The following SNX29 variants were observed in gnomAD, a reference collection of about 807,000 sequenced individuals.
SNX29 encodes sorting nexin 29, also known as sorting nexin-29.
A neutral mutation model predicts 102.1 loss-of-function variants in SNX29; 78 were observed. The observed-to-expected ratio is 0.76, with a 90% CI of 0.64 to 0.92. The LOEUF is 0.92. Ranked by LOEUF, SNX29 falls within the 40% of genes least tolerant of loss-of-function variation. The pLI, the probability that SNX29 is intolerant of heterozygous loss-of-function variation, is 0.00. For synonymous variants in SNX29, 580 were observed against 414.5 expected, an observed-to-expected ratio of 1.40 and a Z score of -4.85; for missense variants, 1,280 against 1,061.7, an observed-to-expected ratio of 1.21 and a Z score of -2.86.
At chr16:12,245,177 C>G (rs192060868) in intron 14 of SNX29, among the ~76,000 whole-genome samples, 42 of 152,170 alleles carry the variant, frequency 2.8e-4, no homozygotes, top group African/African-American at 9.6e-4. Flanking sequence ...AGCATATGCT[C>G]TGAAATTGGT....
At chr16:12,068,314 C>CA (rs767382504) in intron 9 of SNX29, among the ~76,000 whole-genome samples, 29 of 149,412 alleles carry the variant, frequency 1.9e-4, no homozygotes, top group South Asian at 6.4e-4. Context: ...CCCATCTCTA[C>CA]AAAAAAAAAT....
intron 4 of SNX29, among the ~76,000 whole-genome samples, chr16:12,036,814 C>G (rs1177868088): frequency 6.6e-6 from 1 of 152,014 alleles, no homozygotes; most frequent in African/African-American, 2.4e-5. Context: ...GAAGAACATG[C>G]CCTGTCTCAC....
chr16:12,472,536 A>AAC (rs1224123517), intron 18 of SNX29, among the ~76,000 whole-genome samples: 1 of 149,782 alleles, frequency 6.7e-6, no homozygotes, highest in African/African-American at 2.4e-5. Context: ...AACCAAAAAA[A>AAC]AAAAAAACAA....
At chr16:12,412,124 G>A (rs2084420704) in intron 18 of SNX29, among the ~76,000 whole-genome samples, 1 of 152,156 alleles carries the variant, frequency 6.6e-6, no homozygotes, top group Admixed American at 6.5e-5. Flanking sequence ...CTTTGCGGAG[G>A]GGTGGGAGAG....
intron 14 of SNX29, among the ~76,000 whole-genome samples, chr16:12,267,670 G>C (rs1382773467): frequency 6.6e-6 from 1 of 152,216 alleles, no homozygotes; most frequent in Admixed American, 6.5e-5. Flanking sequence ...CCTCTGGAAG[G>C]TGCTGTAGCT....
intron 19 of SNX29, among the ~76,000 whole-genome samples, chr16:12,523,222 G>C (rs1404023927): frequency 6.6e-6 from 1 of 152,198 alleles, no homozygotes; most frequent in African/African-American, 2.4e-5. Flanking sequence ...TGCCTGCACA[G>C]GGAGAGCAGA....
intron 20 of SNX29, among the ~76,000 whole-genome samples, chr16:12,550,196 G>C (rs1235024661): frequency 1.3e-5 from 2 of 152,184 alleles, no homozygotes; most frequent in African/African-American, 2.4e-5. Flanking sequence ...ATTACTAAGA[G>C]GATAAAGCAT....
intron 14 of SNX29, among the ~76,000 whole-genome samples, chr16:12,224,816 G>T (rs540401693): frequency 6.6e-6 from 1 of 152,134 alleles, no homozygotes; most frequent in Non-Finnish European, 1.5e-5. Flanking sequence ...TGTGTTTACA[G>T]TAATGAGCCC....
intron 19 of SNX29, among the ~76,000 whole-genome samples, chr16:12,521,135 G>A (rs1039551625): frequency 1.3e-5 from 2 of 152,136 alleles, no homozygotes; most frequent in African/African-American, 2.4e-5. Flanking sequence ...AGCTGAGATC[G>A]TGTCACTGCA....
chr16:12,256,159 G>A (rs1307123097), intron 14 of SNX29, among the ~76,000 whole-genome samples: 3 of 152,290 alleles, frequency 2.0e-5, no homozygotes, highest in South Asian at 2.1e-4. Flanking sequence ...CCTGTTGGCC[G>A]TTTGGATGTC....
In SNX29 at chr16:12,571,979, T is replaced by A. The variant is rs1359779712; in HGVS notation, c.*3350T>A. ...CTTACAGTCTATGGTGGTAGCCATC[T>A]TCACATCCAGTCACCAGTTGCATCT... On this transcript the variant is annotated 3_prime_UTR_variant, in exon 21 of 21. Coordinates refer to ENST00000566228, the MANE Select transcript of SNX29 (RefSeq NM_032167.5). 9.4e-7 allele frequency: 1 copy of A among 1,061,860 alleles called. No homozygotes were observed. Among genetic ancestry groups the A allele is most frequent in the Non-Finnish European group, 1.1e-6 (1 of 877,120 alleles). 65.8% of individuals were successfully genotyped at this position (1,061,860 alleles called of 1,614,324 possible). A position where few individuals can be genotyped will look rare whatever the true frequency, so the allele number is the denominator to read the frequency against.
chr16:12,563,410 T>C (rs1464792369), intron 20 of SNX29, among the ~76,000 whole-genome samples: 4 of 152,214 alleles, frequency 2.6e-5, no homozygotes, highest in African/African-American at 7.2e-5. Flanking sequence ...AGATGGCGAC[T>C]GGATTTTGTT....
chr16:12,135,641 TA>T, intron 13 of SNX29: 1 of 1,333,208 alleles, frequency 7.5e-7, no homozygotes, highest in South Asian at 1.2e-5. Flanking sequence ...CAGTTCCTGA[TA>T]GTCTCATTTG....
At chr16:12,334,599 C>T (rs573759566) in intron 15 of SNX29, among the ~76,000 whole-genome samples, 3 of 152,288 alleles carry the variant, frequency 2.0e-5, no homozygotes, top group South Asian at 4.2e-4. Flanking sequence ...CTGCATATAG[C>T]CCATAGATCT....
chr16:12,383,782 T>TC (rs1415352588), intron 16 of SNX29, among the ~76,000 whole-genome samples: 1 of 150,470 alleles, frequency 6.6e-6, no homozygotes, highest in East Asian at 1.9e-4. Flanking sequence ...CTTTTTTTTT[T>TC]TTTTTTTTTG....
At chr16:12,107,738 G>C (rs1382005637) in intron 11 of SNX29, among the ~76,000 whole-genome samples, 1 of 152,132 alleles carries the variant, frequency 6.6e-6, no homozygotes, top group Non-Finnish European at 1.5e-5. Context: ...TGTGATGACT[G>C]CCTGCCCTGT....
intron 10 of SNX29, among the ~76,000 whole-genome samples, chr16:12,072,717 T>G (rs1192723975): frequency 6.6e-6 from 1 of 152,150 alleles, no homozygotes; most frequent in Non-Finnish European, 1.5e-5. Context: ...CTTTTTCTAT[T>G]GATTGGAATA....
At chr16:12,384,600 G>C (rs2083284566) in intron 16 of SNX29, among the ~76,000 whole-genome samples, 1 of 152,120 alleles carries the variant, frequency 6.6e-6, no homozygotes. Flanking sequence ...TTGAGTTTCT[G>C]ATATAGTCTG....
chr16:12,125,833 T>C (rs2054192641), intron 11 of SNX29, among the ~76,000 whole-genome samples: 2 of 151,956 alleles, frequency 1.3e-5, no homozygotes, highest in Admixed American at 1.3e-4. Context: ...GGAAACAGTT[T>C]TTTCCTCCTA....
Sources: allele counts gnomAD v4.1 joint callset (sites outside exome capture counted in the v4.1 genomes callset), GRCh38; gene constraint gnomAD v4.1.1; transcripts MANE v1.5; gene names NCBI Gene and HGNC (gene_info 2026-07-23, HGNC 2026-07-21).